Variants in PRKCH observed in about 807,000 individuals in gnomAD.
PRKCH encodes protein kinase C eta type.
PRKCH carries 28 observed loss-of-function variants against 82.5 expected under a neutral mutation model. The ratio of observed to expected loss-of-function variants is 0.34; its 90% CI spans 0.25 to 0.47. The LOEUF (loss-of-function observed/expected upper bound fraction) is 0.47, where lower values mean the gene tolerates loss of function less well. Ranked by LOEUF, PRKCH falls within the 20% of genes least tolerant of loss-of-function variation. PRKCH has a pLI of 1.00. For synonymous variants in PRKCH, 322 were observed against 327.4 expected, an observed-to-expected ratio of 0.98 and a Z score of 0.18; for missense variants, 705 against 881.8, an observed-to-expected ratio of 0.80 and a Z score of 2.54.
intron 1 of PRKCH, among the ~76,000 whole-genome samples, chr14:61,210,554 G>C (rs1451470899): frequency 6.6e-6 from 1 of 152,134 alleles, no homozygotes; most frequent in African/African-American, 2.4e-5. Context: ...GTGACTTTGG[G>C]ATTCTGTACT....
chr14:61,457,755 C>A, intron 9 of PRKCH, 76 bp downstream of exon 9: 1 of 1,547,740 alleles, frequency 6.5e-7, no homozygotes, highest in Non-Finnish European at 8.8e-7. Flanking sequence ...CTGGAGATTT[C>A]ATAAAGTTGA....
intron 2 of PRKCH, among the ~76,000 whole-genome samples, chr14:61,435,850 C>G (rs1310100630): frequency 6.6e-6 from 1 of 152,072 alleles, no homozygotes; most frequent in African/African-American, 2.4e-5. Context: ...GGAGCATACA[C>G]ATATTTAAAA....
At chr14:61,433,668 A>G (rs1883529235) in intron 2 of PRKCH, among the ~76,000 whole-genome samples, 1 of 152,350 alleles carries the variant, frequency 6.6e-6, no homozygotes, top group Admixed American at 6.5e-5. Flanking sequence ...GTGATAATGT[A>G]TACATACTTT....
In PRKCH at chr14:61,280,978, G is replaced by C; in HGVS notation, c.-19+93310G>C. 6.5e-7 allele frequency: 1 copy of C among 1,543,256 alleles called. No individual in the cohort carries two copies. Among genetic ancestry groups the C allele is most frequent in the Non-Finnish European group, 8.7e-7 (1 of 1,147,034 alleles). ...GTACTCCAGCTCCTTGATGCCGTTGGAGGAGTAGTAGAGGCCCAGGCCCAG... is the reference window on the plus strand; with the variant it reads ...GTACTCCAGCTCCTTGATGCCGTTGCAGGAGTAGTAGAGGCCCAGGCCCAG... On this transcript the variant is annotated intron_variant, in intron 1 of 3. Coordinates refer to the PRKCH transcript ENST00000555185. This position sits in a 1 kb window ranked among gnomAD's most constrained non-coding sequence, Gnocchi z 5.0.
intron 1 of PRKCH, among the ~76,000 whole-genome samples, chr14:61,204,067 T>C (rs1372898072): frequency 1.3e-5 from 2 of 151,274 alleles, no homozygotes; most frequent in Non-Finnish European, 2.9e-5. Context: ...ATAATGTATT[T>C]AACTAATGTT....
chr14:61,405,191 TC>T (rs1410038927), intron 2 of PRKCH, among the ~76,000 whole-genome samples: 7 of 152,314 alleles, frequency 4.6e-5, no homozygotes, highest in Non-Finnish European at 8.8e-5. Context: ...TAGGAGCCAA[TC>T]CCCAGCTTAA....
At chr14:61,204,346 T>A (rs2044506022) in intron 1 of PRKCH, among the ~76,000 whole-genome samples, 1 of 152,144 alleles carries the variant, frequency 6.6e-6, no homozygotes, top group African/African-American at 2.4e-5. Flanking sequence ...ATGAGGAAAT[T>A]GAGGGATAGA....
intron 1 of PRKCH, among the ~76,000 whole-genome samples, chr14:61,311,849 G>A (rs2045527537): frequency 6.6e-6 from 1 of 152,170 alleles, no homozygotes; most frequent in Admixed American, 6.5e-5. Flanking sequence ...TACAATTATG[G>A]TGGAAGAGGA....
chr14:61,450,583 A>G (rs1884458705), intron 5 of PRKCH, among the ~76,000 whole-genome samples: 2 of 152,216 alleles, frequency 1.3e-5, no homozygotes, highest in Admixed American at 6.5e-5. Flanking sequence ...AGATGAAGTG[A>G]AAATCTTAAT....
intron 2 of PRKCH, among the ~76,000 whole-genome samples, chr14:61,403,003 A>G (rs1244383677): frequency 1.3e-5 from 2 of 152,074 alleles, no homozygotes; most frequent in African/African-American, 4.8e-5. Context: ...CATTAGGTAT[A>G]TCTCCCAATG....
rs1391986520 is a variant in PRKCH, at chr14:61,479,940, T to C, written c.1279-5562T>C. 4.6e-5 allele frequency among the ~76,000 whole-genome samples: 7 copies of C among 152,354 alleles called. No individual in the cohort carries two copies. In the East Asian group the frequency reaches 9.6e-4, roughly 21 times the overall value. ...ACCGGTGTTCATCACCCCATGTTAA[T>C]GACTTGTACTTGTGGTTGGCTGAAT... On this transcript the variant is annotated intron_variant, in intron 9 of 13. Coordinates refer to ENST00000332981, the MANE Select transcript of PRKCH (RefSeq NM_006255.5).
intron 1 of PRKCH, among the ~76,000 whole-genome samples, chr14:61,345,247 T>C (rs2045977232): frequency 1.3e-5 from 2 of 152,212 alleles, no homozygotes; most frequent in Non-Finnish European, 2.9e-5. Flanking sequence ...GTAGAAAGAA[T>C]AGATTGTTGT....
chr14:61,391,429 G>C, intron 2 of PRKCH, 141 bp downstream of exon 2: 1 of 706,748 alleles, frequency 1.4e-6, no homozygotes, highest in Non-Finnish European at 2.2e-6. Context: ...GGGCTGGCTA[G>C]TATTTTGTTG....
chr14:61,279,341 A>G (rs2045235249), intron 1 of PRKCH: 1 of 152,236 alleles, frequency 6.6e-6, no homozygotes, highest in African/African-American at 2.4e-5. Flanking sequence ...GCCAGACCAA[A>G]CCTGGAACAT....
In PRKCH at chr14:61,280,973, C is replaced by T. The variant is rs1480676087; in HGVS notation, c.-19+93305C>T. On this transcript the variant is annotated intron_variant, in intron 1 of 3. Coordinates refer to the PRKCH transcript ENST00000555185. This position sits in a 1 kb window ranked among gnomAD's most constrained non-coding sequence, Gnocchi z 5.0. ...TAGTCGTACTCCAGCTCCTTGATGC[C>T]GTTGGAGGAGTAGTAGAGGCCCAGG... 1.3e-6 allele frequency: 2 copies of T among 1,542,956 alleles called. No individual in the cohort carries two copies. The highest frequency in any genetic ancestry group is 1.7e-6 in the Non-Finnish European group (2 of 1,147,142).
intron 5 of PRKCH, among the ~76,000 whole-genome samples, chr14:61,450,094 A>C (rs1884431166): frequency 6.6e-6 from 1 of 152,226 alleles, no homozygotes; most frequent in Non-Finnish European, 1.5e-5. Context: ...TTTATAGTAC[A>C]CATATAGGAT....
At chr14:61,541,822 A>G (rs958412093) in intron 12 of PRKCH, among the ~76,000 whole-genome samples, 7 of 152,346 alleles carry the variant, frequency 4.6e-5, no homozygotes, top group Non-Finnish European at 1.0e-4. Context: ...GTTAAACTCT[A>G]TAATCTGGAA....
At chr14:61,492,941 G>C (rs764150890) in intron 10 of PRKCH, among the ~76,000 whole-genome samples, 1 of 152,190 alleles carries the variant, frequency 6.6e-6, no homozygotes, top group Admixed American at 6.5e-5. Context: ...AGGGTGTTTA[G>C]GTAGGGGAGC....
At position 61,199,085 on chromosome 14, in the gene PRKCH, G is replaced by A. The variant is rs190207184; in HGVS notation, c.-19+11417G>A. Among the ~76,000 whole-genome samples, 909 of 152,226 alleles carry A rather than the reference G, an allele frequency of 6.0e-3. 9 individuals carry two copies. Among genetic ancestry groups the A allele is most frequent in the African/African-American group, 0.02 (849 of 41,538 alleles). The stretch of plus-strand genomic sequence containing the variant: ...AATGTCATCAGTAGGGGAAAGAAAT[G>A]TGTCTAACTCCAAAAAATGACCAAT... On this transcript the variant is annotated intron_variant, in intron 1 of 3. Transcript: ENST00000555185.
Sources: allele counts gnomAD v4.1 joint callset (sites outside exome capture counted in the v4.1 genomes callset), GRCh38; gene constraint gnomAD v4.1.1; non-coding constraint Gnocchi (gnomAD v3.1); transcripts MANE v1.5; gene names NCBI Gene and HGNC (gene_info 2026-07-23, HGNC 2026-07-21).